Variants in EXD3 observed in about 807,000 individuals in gnomAD.
EXD3 encodes the protein exonuclease 3'-5' domain containing 3, also known as exonuclease mut-7 homolog.
Under a neutral mutation model 98.0 loss-of-function variants are expected in EXD3, and 92 were observed. The observed-to-expected ratio is 0.94, with a 90% confidence interval of 0.79 to 1.12. The LOEUF (loss-of-function observed/expected upper bound fraction) is 1.12, where lower values mean the gene tolerates loss of function less well. Among genes scored for constraint, EXD3 ranks in the 50% most tolerant of loss-of-function variants. The pLI, the probability that EXD3 is intolerant of heterozygous loss-of-function variation, is 0.00. For synonymous variants in EXD3, 569 were observed against 526.0 expected, an observed-to-expected ratio of 1.08 and a Z score of -1.12; for missense variants, 1,222 against 1,191.6, an observed-to-expected ratio of 1.03 and a Z score of -0.38.
chr9:137,412,053 C>T (rs1242690957), intron 1 of EXD3, among the ~76,000 whole-genome samples: 1 of 152,180 alleles, frequency 6.6e-6, no homozygotes, highest in East Asian at 1.9e-4. Context: ...GGCTCCCCCA[C>T]CCCCACAGAG....
rs923636151 is a variant in EXD3, at chr9:137,401,507, C to T, written c.-47-6103G>A. On this transcript the variant is annotated intron_variant, in intron 1 of 21. Coordinates refer to ENST00000340951, the MANE Select transcript of EXD3 (RefSeq NM_017820.5). The stretch of plus-strand genomic sequence containing the variant: ...TAGCAGAGGTTCTCCATGAGGGCCC[C>T]GCCCCACAGCAAACTTTTGCCTGGA... Among the ~76,000 whole-genome samples, 18 of 152,148 alleles carry T rather than the reference C, an allele frequency of 1.2e-4. 1 individual carries two copies. The highest frequency in any genetic ancestry group is 1.0e-3 in the Admixed American group (16 of 15,278).
intron 19 of EXD3, among the ~76,000 whole-genome samples, chr9:137,320,207 C>T (rs979327199): frequency 6.6e-6 from 1 of 152,152 alleles, no homozygotes; most frequent in Non-Finnish European, 1.5e-5. Flanking sequence ...GCCAAGGCAG[C>T]CCCCCCGCCC....
At position 137,332,581 on chromosome 9, in the gene EXD3, C is replaced by T. The variant is rs146069923; in HGVS notation, c.1999-8438G>A. On this transcript the variant is annotated intron_variant, in intron 17 of 21. Transcript: ENST00000340951. The stretch of plus-strand genomic sequence containing the variant: ...GGTATTGGCCAGGCGCAGTGGCTCA[C>T]GCCTGTAATCCCAGCACTTTGGGAG... Among the ~76,000 whole-genome samples, 628 of 150,920 alleles carry T rather than the reference C, an allele frequency of 4.2e-3. 3 individuals are homozygous for T. Among genetic ancestry groups the T allele is most frequent in the African/African-American group, 0.012 (491 of 40,988 alleles).
rs377284984 is a variant in EXD3 at position 137,351,348 on chromosome 9, G to A, written c.1354C>T (p.Leu452Phe). Reference protein sequence around the residue: ...AQAFSRLVAQLLSDPSITKLG... With the variant: ...AQAFSRLVAQFLSDPSITKLG... ...TTGGTGATAGAGGGGTCCGAGAGGA[G>A]CTGGGCCACCAGCCGGGAAAAGGCC... Residue 452 changes from leucine to phenylalanine, a missense_variant, in exon 13 of 22, where the codon CTC (leucine) becomes TTC (phenylalanine). Leu to Phe is a conservative substitution (Grantham distance 22). Coordinates refer to ENST00000340951, the MANE Select transcript of EXD3 (RefSeq NM_017820.5). The A allele has an allele frequency of 3.1e-6, 5 of 1,611,864 alleles. No individual in the cohort carries two copies. Among genetic ancestry groups the A allele is most frequent in the Non-Finnish European group, 4.2e-6 (5 of 1,179,626 alleles).
At chr9:137,415,188 T>G (rs73565528) in intron 1 of EXD3, among the ~76,000 whole-genome samples, 5,059 of 149,562 alleles carry the variant, frequency 0.034, 272 homozygotes, top group African/African-American at 0.12. Context: ...GCGCTGGGCC[T>G]GTCACAGGTT....
At chr9:137,325,815 C>T (rs1164887608) in intron 17 of EXD3, among the ~76,000 whole-genome samples, 2 of 152,126 alleles carry the variant, frequency 1.3e-5, no homozygotes, top group Non-Finnish European at 1.5e-5. Context: ...AGAGGCTGGG[C>T]AAGGCGGCTC....
chr9:137,313,595 G>A (rs1831477513), intron 19 of EXD3, among the ~76,000 whole-genome samples: 1 of 152,190 alleles, frequency 6.6e-6, no homozygotes, highest in Non-Finnish European at 1.5e-5. Context: ...GCCCAGGCCT[G>A]TCTCCTGCAC....
In EXD3 at chr9:137,355,706, AAGGAGG is replaced by A. The variant is rs1167594530; in HGVS notation, c.757+556_757+561del. 7.6e-4 allele frequency among the ~76,000 whole-genome samples: 113 copies of A among 148,178 alleles called. 1 individual carries two copies. The highest frequency in any genetic ancestry group is 2.8e-3 in the African/African-American group (108 of 38,766). On this transcript the variant is annotated intron_variant, in intron 8 of 21. Coordinates refer to ENST00000340951, the MANE Select transcript of EXD3 (RefSeq NM_017820.5). ...AGGAAGGAGAAAGGGAGGAAGGAGG[AAGGAGG>A]AAGGAGGAAGGAGGAAGGAGGACCT...
intron 17 of EXD3, among the ~76,000 whole-genome samples, chr9:137,325,331 G>T (rs1832335050): frequency 6.6e-6 from 1 of 152,210 alleles, no homozygotes; most frequent in Admixed American, 6.5e-5. Flanking sequence ...AGCCAGCAGG[G>T]CTCCCACACC....
rs560190764 is a variant in EXD3 at position 137,307,164 on chromosome 9, G to C, written c.2417C>G (p.Ala806Gly). 6.3e-7 allele frequency: 1 copy of C among 1,589,730 alleles called. No individual in the cohort carries two copies. Among genetic ancestry groups the C allele is most frequent in the East Asian group, 2.3e-5 (1 of 43,486 alleles). ...DLRAETPDMLADGTRLQLAGV... is the reference protein window; with the variant it reads ...DLRAETPDMLGDGTRLQLAGV... ...TGCCAGCTGCAGCCGGGTGCCGTCG[G>C]CCAGCATGTCCGGTGTCTCCGCCCG... The change falls in exon 22 of 22, where the codon GCC (alanine) becomes GGC (glycine). Residue 806 changes from alanine (A) to glycine (G), a missense_variant. Ala to Gly is a moderately conservative substitution (Grantham distance 60, BLOSUM62 0). Coordinates refer to ENST00000340951, the MANE Select transcript of EXD3 (RefSeq NM_017820.5).
At chr9:137,401,736 T>G (rs1440840874) in intron 1 of EXD3, among the ~76,000 whole-genome samples, 1 of 152,174 alleles carries the variant, frequency 6.6e-6, no homozygotes, top group Admixed American at 6.5e-5. Flanking sequence ...ACCAAGTCCC[T>G]AGACTGCACA....
At chr9:137,418,013 CAGG>C (rs1044884759) in intron 1 of EXD3, among the ~76,000 whole-genome samples, 2 of 152,270 alleles carry the variant, frequency 1.3e-5, no homozygotes, top group African/African-American at 4.8e-5. Context: ...CCGGGGCTGG[CAGG>C]AGGTCTGTGC....
chr9:137,349,129 G>A lies in EXD3; in HGVS notation c.1811C>T (p.Ala604Val), dbSNP rs749264600. The change falls in exon 16 of 22, where the codon GCA becomes GTA. Residue 604 changes from alanine (A) to valine (V), a missense_variant. Ala to Val is a moderately conservative substitution (Grantham distance 64). Transcript: ENST00000340951. This position sits in a 1 kb window ranked among gnomAD's most constrained non-coding sequence, Gnocchi z 7.4. ...RKPPGLQKAS[A>V]PAAPRQVPVA... ...ACCCACCTGCCTGGGTGCGGCCGGT[G>A]CTGACGCTTTCTGCAGGCCGGGTGG... 2 of 1,599,166 alleles carry A rather than the reference G, an allele frequency of 1.3e-6. No homozygotes were observed. Among genetic ancestry groups the A allele is most frequent in the South Asian group, 1.1e-5 (1 of 90,726 alleles).
At chr9:137,336,690 C>T (rs1442682281) in intron 17 of EXD3, among the ~76,000 whole-genome samples, 3 of 150,524 alleles carry the variant, frequency 2.0e-5, no homozygotes, top group Non-Finnish European at 4.4e-5. Context: ...TAGGGCAATC[C>T]CTACAAAGAA....
chr9:137,338,300 A>T (rs1006399481), intron 17 of EXD3, among the ~76,000 whole-genome samples: 3 of 152,258 alleles, frequency 2.0e-5, no homozygotes, highest in African/African-American at 7.2e-5. Context: ...GAAGTCAAAT[A>T]AGCAATCATA....
At chr9:137,351,775 G>A (rs769775812) in intron 12 of EXD3, among the ~76,000 whole-genome samples, 4 of 152,234 alleles carry the variant, frequency 2.6e-5, no homozygotes, top group Admixed American at 1.3e-4. Context: ...TGGTGCCCAC[G>A]GCAGTGCCCG....
At chr9:137,401,961 C>T (rs774717589) in intron 1 of EXD3, among the ~76,000 whole-genome samples, 6 of 152,178 alleles carry the variant, frequency 3.9e-5, no homozygotes, top group Admixed American at 2.0e-4. Context: ...TTTTCTACTG[C>T]GTCAGGTTGC....
chr9:137,383,818 G>A (rs1306677222), intron 2 of EXD3, among the ~76,000 whole-genome samples: 4 of 152,144 alleles, frequency 2.6e-5, no homozygotes, highest in South Asian at 2.1e-4. Flanking sequence ...TTCGGTCCCC[G>A]GCCCTCCCGC....
At position 137,351,073 on chromosome 9, in the gene EXD3, G is replaced by A. The variant is rs1475630908; in HGVS notation, c.1459C>T (p.Leu487=). ...PALAHVEKQI[L]GGMDLLLVHR... ...ACCAGCAGCAGGTCCATGCCGCCCA[G>A]AATCTGCTTCTCCACATGGGCCAGG... Residue 487 remains leucine (L), a synonymous_variant, in exon 14 of 22, where the codon CTG becomes TTG. Coordinates refer to ENST00000340951, the MANE Select transcript of EXD3 (RefSeq NM_017820.5). 4 of 1,577,462 alleles carry A rather than the reference G, an allele frequency of 2.5e-6. No individual in the cohort carries two copies. In the East Asian group the frequency reaches 7.0e-5, roughly 28 times the overall value.
Sources: gnomAD v4.1 joint callset for allele counts (sites outside exome capture counted in the v4.1 genomes callset) on GRCh38, gnomAD v4.1.1 for gene constraint, Gnocchi (gnomAD v3.1) non-coding constraint, MANE v1.5 for transcripts, NCBI Gene and HGNC (gene_info 2026-07-23, HGNC 2026-07-21) for gene names.